Variants in UCHL1 observed in about 807,000 individuals in gnomAD.
The protein encoded by UCHL1 is ubiquitin C-terminal hydrolase L1.
Under a neutral mutation model 33.3 loss-of-function variants are expected in UCHL1, and 5 were observed. The ratio of observed to expected loss-of-function variants is 0.15; its 90% confidence interval spans 0.08 to 0.32. The LOEUF (loss-of-function observed/expected upper bound fraction) is 0.32. UCHL1 is among the 10% of genes least tolerant of loss of function. The pLI, the probability that UCHL1 is intolerant of heterozygous loss-of-function variation, is 1.00. For synonymous variants in UCHL1, 132 were observed against 108.8 expected (o/e 1.21, Z -1.33); for missense variants, 236 against 280.0 (o/e 0.84, Z 1.12).
intron 2 of UCHL1, chr4:41,257,329 G>C: frequency 2.0e-6 from 2 of 1,003,954 alleles, no homozygotes; most frequent in Non-Finnish European, 2.8e-6. Flanking sequence ...GGAGACGGAG[G>C]GGGCTGCGCC....
chr4:41,266,226 CTTT>C (rs71650920), intron 8 of UCHL1, among the ~76,000 whole-genome samples: 47 of 136,796 alleles, frequency 3.4e-4, no homozygotes, highest in Non-Finnish European at 2.3e-4. Context: ...CTGGCTAAAA[CTTT>C]TTTTTTTTTT....
At chr4:41,265,134 T>G (rs1052765447) in intron 8 of UCHL1, among the ~76,000 whole-genome samples, 19 of 152,186 alleles carry the variant, frequency 1.2e-4, no homozygotes, top group Non-Finnish European at 5.9e-5. Flanking sequence ...TACTGACCCC[T>G]CTTCTTAGGT....
intron 3 of UCHL1, 36 bp from the exon 4 acceptor site, chr4:41,260,611 C>T: frequency 1.2e-6 from 2 of 1,612,470 alleles, no homozygotes; most frequent in Non-Finnish European, 1.7e-6. Flanking sequence ...TTTGCACTTT[C>T]ATTCTGAGAT....
rs554410797 is a variant in UCHL1 at position 41,258,838 on chromosome 4, A to G, written c.174+1101A>G. Among the ~76,000 whole-genome samples the G allele has an allele frequency of 2.4e-4, 36 of 152,352 alleles. No homozygotes were observed. In the South Asian group the frequency reaches 7.5e-3, roughly 32 times the overall value. On this transcript the variant is annotated intron_variant, in intron 3 of 8. Transcript: ENST00000284440. ...ATCTCACTGACATGTTTTTATTGCT[A>G]AAGTCTTTTACTTGGGCTAAAAGGA... is the stretch of plus-strand genomic sequence containing the variant.
chr4:41,257,311 G>C, intron 2 of UCHL1, 185 bp downstream of exon 2: 2 of 1,087,212 alleles, frequency 1.8e-6, no homozygotes, highest in South Asian at 1.7e-5. Flanking sequence ...CTACGAAACC[G>C]GTCACGGGGA....
intron 3 of UCHL1, among the ~76,000 whole-genome samples, chr4:41,258,870 C>T (rs956128870): frequency 7.9e-5 from 12 of 152,178 alleles, no homozygotes; most frequent in Non-Finnish European, 1.6e-4. Flanking sequence ...AGGAAGATGC[C>T]AAATTGTTGG....
At chr4:41,264,055 C>A (rs1310314681) in intron 7 of UCHL1, 48 bp from the exon 8 acceptor site, 1 of 1,613,038 alleles carries the variant, frequency 6.2e-7, no homozygotes, top group South Asian at 1.1e-5. Context: ...AGCACGGTAG[C>A]CAGAAAACAT....
intron 8 of UCHL1, among the ~76,000 whole-genome samples, chr4:41,265,546 T>C (rs1445350655): frequency 1.4e-4 from 22 of 152,096 alleles, no homozygotes; most frequent in Admixed American, 1.4e-3. Context: ...ACCACTGTAC[T>C]CCAGTCTGGG....
At position 41,268,318 on chromosome 4, in the gene UCHL1, C is replaced by A. The variant is rs140683078; in HGVS notation, c.*245C>A. On this transcript the variant is annotated 3_prime_UTR_variant, in exon 9 of 9. Transcript: ENST00000284440. ...TTCTCCCCAGTGTATGTCTTGTATC[C>A]GATATCTAACGCTTTAAATGGCTAC... 10 of 560,122 alleles carry A rather than the reference C, an allele frequency of 1.8e-5. No homozygotes were observed. Among genetic ancestry groups the A allele is most frequent in the Non-Finnish European group, 3.2e-5 (10 of 313,826 alleles). 34.7% of individuals were successfully genotyped at this position (560,122 alleles called of 1,614,324 possible).
chr4:41,258,846 T>C (rs1781025840), intron 3 of UCHL1, among the ~76,000 whole-genome samples: 1 of 152,236 alleles, frequency 6.6e-6, no homozygotes, highest in Non-Finnish European at 1.5e-5. Flanking sequence ...CTAAAGTCTT[T>C]TACTTGGGCT....
At chr4:41,258,462 C>A (rs928700021) in intron 3 of UCHL1, among the ~76,000 whole-genome samples, 2 of 152,088 alleles carry the variant, frequency 1.3e-5, no homozygotes, top group Admixed American at 6.5e-5. Flanking sequence ...TTTCCTCCTA[C>A]AAGTGTGCAT....
At chr4:41,259,745 G>A (rs1025240523) in intron 3 of UCHL1, among the ~76,000 whole-genome samples, 1 of 152,092 alleles carries the variant, frequency 6.6e-6, no homozygotes, top group African/African-American at 2.4e-5. Context: ...TAGAGACAAG[G>A]TCTCAAACTT....
chr4:41,259,297 T>A (rs1012268944), intron 3 of UCHL1, among the ~76,000 whole-genome samples: 2 of 152,240 alleles, frequency 1.3e-5, no homozygotes, highest in Non-Finnish European at 2.9e-5. Context: ...GGGAATGTTA[T>A]GACCCCCTAC....
intron 7 of UCHL1, 152 bp from the exon 8 acceptor site, chr4:41,263,951 C>T: frequency 1.1e-6 from 1 of 940,466 alleles, no homozygotes; most frequent in South Asian, 1.4e-5. Flanking sequence ...ACACTTGAAC[C>T]TCATTTGCAG....
intron 3 of UCHL1, among the ~76,000 whole-genome samples, chr4:41,260,312 A>G (rs1046570969): frequency 2.6e-5 from 4 of 152,258 alleles, no homozygotes; most frequent in African/African-American, 9.6e-5. Context: ...GGGAGAAAAT[A>G]ATGAATTGGT....
In UCHL1 at chr4:41,266,777, G is replaced by A. The variant is rs185661595; in HGVS notation, c.586-1210G>A. On this transcript the variant is annotated intron_variant, in intron 8 of 8. Coordinates refer to ENST00000284440, the MANE Select transcript of UCHL1 (RefSeq NM_004181.5). ...CAGGACTAGAAGCGCACACCACCAT[G>A]CCCAGCTAATTTTTAAATTTTTAGT... 1.6e-3 allele frequency among the ~76,000 whole-genome samples: 246 copies of A among 152,166 alleles called. 2 individuals carry two copies. The highest frequency in any genetic ancestry group is 3.5e-3 in the Admixed American group (53 of 15,286).
At chr4:41,263,609 G>T (rs777613388) in intron 7 of UCHL1, among the ~76,000 whole-genome samples, 3 of 152,154 alleles carry the variant, frequency 2.0e-5, no homozygotes, top group Non-Finnish European at 4.4e-5. Context: ...CTAGTTTATG[G>T]CATCAAGAAA....
At chr4:41,265,697 C>G (rs1323769576) in intron 8 of UCHL1, among the ~76,000 whole-genome samples, 3 of 152,166 alleles carry the variant, frequency 2.0e-5, no homozygotes, top group Non-Finnish European at 4.4e-5. Context: ...GACCTGATAG[C>G]CCTAAGATGC....
chr4:41,259,811 C>G (rs1781041408), intron 3 of UCHL1, among the ~76,000 whole-genome samples: 1 of 152,190 alleles, frequency 6.6e-6, no homozygotes, highest in Non-Finnish European at 1.5e-5. Context: ...ATTATAGGTG[C>G]AAGCCACTGA....
Sources: gnomAD v4.1 joint callset for allele counts (sites outside exome capture counted in the v4.1 genomes callset) on GRCh38, gnomAD v4.1.1 for gene constraint, MANE v1.5 for transcripts, NCBI Gene and HGNC (gene_info 2026-07-23, HGNC 2026-07-21) for gene names.